Variants in GABRG2 observed in about 807,000 individuals in gnomAD.
GABRG2 encodes gamma-aminobutyric acid receptor subunit gamma-2.
In GABRG2, 16 loss-of-function variants were observed where a neutral mutation model predicts 56.4. The observed-to-expected ratio is 0.28, with a 90% CI of 0.19 to 0.43. The LOEUF (loss-of-function observed/expected upper bound fraction) is 0.43. Among genes scored for constraint, GABRG2 ranks in the 20% least tolerant of loss-of-function variants. GABRG2 has a pLI of 1.00. For missense variants in GABRG2, 327 were observed against 582.7 expected (o/e 0.56, Z 4.52); for synonymous variants, 208 against 205.5 (o/e 1.01, Z -0.10).
At chr5:162,118,388 A>G (rs1762768988) in intron 6 of GABRG2, among the ~76,000 whole-genome samples, 1 of 152,114 alleles carries the variant, frequency 6.6e-6, no homozygotes, top group African/African-American at 2.4e-5. Flanking sequence ...TTTTTATAGA[A>G]ACAAGAGTGA....
Position 162,134,531 on chromosome 5 carries a change from A to C in GABRG2, c.770-7633A>C, listed in dbSNP as rs1317589341. Among the ~76,000 whole-genome samples the C allele has an allele frequency of 2.6e-5, 4 of 152,194 alleles. No individual in the cohort carries two copies. In the East Asian group the frequency reaches 7.7e-4, roughly 29 times the overall value. On this transcript the variant is annotated intron_variant, in intron 6 of 9. Transcript: ENST00000639213. ...GATTCTATTATTATTCTTACTTTAC[A>C]GATAAAGAAGTTGAGACTCAGAGAC...
chr5:162,107,454 G>A (rs1270310190), intron 6 of GABRG2, among the ~76,000 whole-genome samples: 1 of 152,120 alleles, frequency 6.6e-6, no homozygotes, highest in African/African-American at 2.4e-5. Flanking sequence ...ACCAAATCCA[G>A]ACATTCTCTT....
Position 162,067,985 on chromosome 5 carries a change from A to T in GABRG2, c.-15A>T. 4.4e-6 allele frequency: 2 copies of T among 455,246 alleles called. No individual in the cohort carries two copies. The highest frequency in any genetic ancestry group is 6.4e-6 in the Non-Finnish European group (2 of 311,282). 28.2% of individuals were successfully genotyped at this position (455,246 alleles called of 1,614,324 possible). On this transcript the variant is annotated 5_prime_UTR_variant, in exon 1 of 10. Transcript: ENST00000639213. ...CCAAGAGGCAAGAGGCGAGAGAAGG[A>T]AAAAAAAAAAAGCGATGAGTTCGCC...
rs745485899 is a variant in GABRG2 at position 162,092,117 on chromosome 5, A to G, written c.108-1711A>G. On this transcript the variant is annotated intron_variant, in intron 1 of 9. Transcript: ENST00000639213. ...ATTTGGGTCAGAGGATTAAAGCTCT[A>G]TTAGGCAGAGTTTAGCAGTGCTCTG... 1.2e-3 allele frequency among the ~76,000 whole-genome samples: 177 copies of G among 152,238 alleles called. 2 individuals are homozygous for G. The highest frequency in any genetic ancestry group is 3.4e-3 in the Middle Eastern group (1 of 294).
intron 3 of GABRG2, among the ~76,000 whole-genome samples, chr5:162,097,038 G>C (rs1417838859): frequency 1.3e-5 from 2 of 152,052 alleles, no homozygotes; most frequent in Non-Finnish European, 2.9e-5. Flanking sequence ...GGCCTACCCA[G>C]TTAGATTCTT....
intron 1 of GABRG2, among the ~76,000 whole-genome samples, chr5:162,086,052 A>G (rs1487848975): frequency 6.6e-6 from 1 of 151,910 alleles, no homozygotes; most frequent in Middle Eastern, 3.4e-3. Flanking sequence ...ATACTCGTGC[A>G]TGCTTTGTTT....
chr5:162,095,456 C>T (rs1329716997), intron 2 of GABRG2, 39 bp from the exon 3 acceptor site: 2 of 1,247,752 alleles, frequency 1.6e-6, no homozygotes, highest in Middle Eastern at 1.9e-4. Flanking sequence ...AAATCTTGCA[C>T]CTCTCTATGT....
chr5:162,109,330 T>A (rs138526713), intron 6 of GABRG2, among the ~76,000 whole-genome samples: 19,429 of 147,176 alleles, frequency 0.13, 1,397 homozygotes, highest in African/African-American at 0.18. Flanking sequence ...AACATGACAC[T>A]TGTATACATA....
intron 1 of GABRG2, among the ~76,000 whole-genome samples, chr5:162,070,475 T>C (rs1298105074): frequency 6.6e-6 from 1 of 152,008 alleles, no homozygotes; most frequent in African/African-American, 2.4e-5. Context: ...GAAGTGGTAC[T>C]TATGAAATAA....
At chr5:162,145,730 T>TA (rs1764905545) in intron 7 of GABRG2, among the ~76,000 whole-genome samples, 1 of 152,180 alleles carries the variant, frequency 6.6e-6, no homozygotes, top group Non-Finnish European at 1.5e-5. Flanking sequence ...TGCCACATTT[T>TA]AAAAAAATTA....
At chr5:162,133,261 G>A (rs79877185) in intron 6 of GABRG2, among the ~76,000 whole-genome samples, 4,572 of 152,090 alleles carry the variant, frequency 0.03, 78 homozygotes, top group Non-Finnish European at 0.043. Flanking sequence ...CTCTGTGTTC[G>A]AAAGATGACA....
At chr5:162,080,085 G>A (rs570132794) in intron 1 of GABRG2, among the ~76,000 whole-genome samples, 6 of 152,252 alleles carry the variant, frequency 3.9e-5, no homozygotes, top group Non-Finnish European at 8.8e-5. Context: ...ATGCAAGGTG[G>A]ACAAATTCCT....
chr5:162,083,058 C>T (rs982168736), intron 1 of GABRG2, among the ~76,000 whole-genome samples: 28 of 151,460 alleles, frequency 1.8e-4, no homozygotes, highest in African/African-American at 6.8e-4. Flanking sequence ...GAAAAATTTC[C>T]AGAATTATGG....
At chr5:162,071,282 GA>G (rs1174854380) in intron 1 of GABRG2, among the ~76,000 whole-genome samples, 5 of 150,490 alleles carry the variant, frequency 3.3e-5, no homozygotes, top group South Asian at 2.1e-4. Context: ...ACCCTAAAGG[GA>G]AAAAAATATA....
intron 8 of GABRG2, 153 bp from the exon 9 acceptor site, chr5:162,151,577 C>G: frequency 9.4e-6 from 6 of 638,312 alleles, no homozygotes; most frequent in Non-Finnish European, 1.3e-5. Context: ...AAGCTCAGAA[C>G]TCTCCTTCTG....
rs1020493800 is a variant in GABRG2 at position 162,149,043 on chromosome 5, G to A, written c.923-65G>A. Reference sequence around the variant, plus strand: ...AAGTCATGAAACAATGTAGTCTCACGAGTGACTCAGTTACCCAACTTGCTT... The same window carrying A: ...AAGTCATGAAACAATGTAGTCTCACAAGTGACTCAGTTACCCAACTTGCTT... On this transcript the variant is annotated intron_variant, in intron 7 of 9. Coordinates refer to ENST00000639213, the MANE Select transcript of GABRG2 (RefSeq NM_198904.4). 59 of 1,436,522 alleles carry A rather than the reference G, an allele frequency of 4.1e-5. 1 individual carries two copies. The Admixed American group carries it at 5.7e-4, about 14-fold the overall frequency. 89.0% of individuals were successfully genotyped at this position (1,436,522 alleles called of 1,614,324 possible).
intron 1 of GABRG2, among the ~76,000 whole-genome samples, chr5:162,076,798 G>T (rs566549230): frequency 1.3e-5 from 2 of 151,930 alleles, no homozygotes; most frequent in African/African-American, 4.8e-5. Context: ...TGCTATTCAG[G>T]GTCATGACTA....
chr5:162,126,035 A>G (rs1763321741), intron 6 of GABRG2, among the ~76,000 whole-genome samples: 1 of 151,994 alleles, frequency 6.6e-6, no homozygotes, highest in South Asian at 2.1e-4. Flanking sequence ...GGTCAACCTC[A>G]TACACCATCC....
In GABRG2 at chr5:162,097,589, G is replaced by A. The variant is rs757213858; in HGVS notation, c.328-49G>A. ...AATGAAATATACCAATATTTAAAAA[G>A]ATAATCTTACTGTGTACAAATTTTC... On this transcript the variant is annotated intron_variant, in intron 3 of 9. Transcript: ENST00000639213. 18 of 1,338,964 alleles carry A rather than the reference G, an allele frequency of 1.3e-5. No homozygotes were observed. In the South Asian group the frequency reaches 1.7e-4, roughly 12 times the overall value. The allele number at this position is 1,338,964 out of a possible 1,614,324, so 82.9% of individuals were successfully genotyped here. A position where few individuals can be genotyped will look rare whatever the true frequency, so the allele number is the denominator to read the frequency against.
Sources: gnomAD v4.1 joint callset for allele counts (sites outside exome capture counted in the v4.1 genomes callset) on GRCh38, gnomAD v4.1.1 for gene constraint, MANE v1.5 for transcripts, NCBI Gene and HGNC (gene_info 2026-07-23, HGNC 2026-07-21) for gene names.